TRDN: variants seen among roughly 807,000 people sequenced by gnomAD.
TRDN encodes the protein triadin, also known as triadin in skeletal muscle.
In TRDN, 161 loss-of-function variants were observed where a neutral mutation model predicts 149.7. The observed-to-expected ratio is 1.08, with a 90% confidence interval of 0.95 to 1.23. The LOEUF is 1.23. Among genes scored for constraint, TRDN ranks in the 50% most tolerant of loss-of-function variants. TRDN has a pLI of 0.00. For missense variants in TRDN, 896 were observed against 823.5 expected (o/e 1.09, Z -1.08); for synonymous variants, 294 against 250.5 (o/e 1.17, Z -1.64).
intron 4 of TRDN, among the ~76,000 whole-genome samples, chr6:123,542,859 CGTGTGTGTGTGTGTGT>C: frequency 6.8e-6 from 1 of 147,098 alleles, no homozygotes; most frequent in South Asian, 2.2e-4. Context: ...TGCATGTTTG[CGTGTGTGTGTGTGTGT>C]GTGTGTGTGT....
intron 5 of TRDN, among the ~76,000 whole-genome samples, chr6:123,526,865 C>T (rs895540160): frequency 2.0e-5 from 3 of 151,844 alleles, no homozygotes; most frequent in Admixed American, 6.6e-5. Flanking sequence ...GATAAGAAAA[C>T]TGTAAGGGAC....
intron 1 of TRDN, among the ~76,000 whole-genome samples, chr6:123,628,008 A>G (rs557559397): frequency 1.3e-5 from 2 of 152,302 alleles, no homozygotes; most frequent in East Asian, 3.9e-4. Flanking sequence ...TGGATCTTCT[A>G]TCCAGACCAC....
rs1210731625 is a variant in TRDN at position 123,266,719 on chromosome 6, T to C, written c.1783+988A>G. ...TATAATATGTATTATATATAATATA[T>C]ATGATATATTATATATGTAATATAT... On this transcript the variant is annotated intron_variant, in intron 32 of 40. Transcript: ENST00000334268. Among the ~76,000 whole-genome samples, 3 of 78,214 alleles carry C rather than the reference T, an allele frequency of 3.8e-5. 1 individual carries two copies. The highest frequency in any genetic ancestry group is 7.3e-5 in the Non-Finnish European group (3 of 40,934). 51.3% of individuals were successfully genotyped at this position (78,214 alleles called of 152,430 possible).
At chr6:123,466,957 T>C (rs1432768295) in intron 9 of TRDN, among the ~76,000 whole-genome samples, 2 of 152,118 alleles carry the variant, frequency 1.3e-5, no homozygotes, top group African/African-American at 2.4e-5. Context: ...TTATACTATA[T>C]ATAAAATTAT....
At chr6:123,456,301 G>A (rs1583061984) in intron 10 of TRDN, among the ~76,000 whole-genome samples, 1 of 152,090 alleles carries the variant, frequency 6.6e-6, no homozygotes, top group Non-Finnish European at 1.5e-5. Flanking sequence ...ATTTCAATAT[G>A]CTGAGTTCAG....
chr6:123,571,266 A>C, intron 1 of TRDN, 134 bp from the exon 2 acceptor site: 1 of 878,270 alleles, frequency 1.1e-6, no homozygotes, highest in South Asian at 1.8e-5. Context: ...TAGTGGCAGG[A>C]CAAAGCCTCC....
intron 4 of TRDN, among the ~76,000 whole-genome samples, chr6:123,531,339 T>A (rs1005477428): frequency 6.6e-6 from 1 of 152,052 alleles, no homozygotes; most frequent in Non-Finnish European, 1.5e-5. Context: ...TGAGGTTTAC[T>A]TATTTATTTA....
intron 4 of TRDN, among the ~76,000 whole-genome samples, chr6:123,535,376 T>C (rs774326569): frequency 4.6e-5 from 7 of 152,162 alleles, no homozygotes; most frequent in Non-Finnish European, 8.8e-5. Context: ...GTATTTCTAC[T>C]TCTTTTACTA....
chr6:123,346,964 A>G (rs920032658), intron 21 of TRDN, among the ~76,000 whole-genome samples: 11 of 130,066 alleles, frequency 8.5e-5, no homozygotes, highest in African/African-American at 3.2e-4. Flanking sequence ...GGAATGAAAG[A>G]AGAATTAGAA....
chr6:123,227,810 C>T (rs1445875810), intron 38 of TRDN, among the ~76,000 whole-genome samples: 1 of 151,838 alleles, frequency 6.6e-6, no homozygotes, highest in Non-Finnish European at 1.5e-5. Flanking sequence ...TGCAATGACG[C>T]CATCCTGGCT....
chr6:123,282,392 C>T (rs964210758), intron 24 of TRDN, among the ~76,000 whole-genome samples: 5 of 151,896 alleles, frequency 3.3e-5, no homozygotes, highest in African/African-American at 7.2e-5. Flanking sequence ...CAGTGATCAA[C>T]AGTGAAATAA....
intron 24 of TRDN, among the ~76,000 whole-genome samples, chr6:123,304,707 T>C (rs1234728973): frequency 6.6e-6 from 1 of 152,148 alleles, no homozygotes; most frequent in Admixed American, 6.6e-5. Flanking sequence ...TAAACACAGG[T>C]TTCTGATAAT....
intron 12 of TRDN, among the ~76,000 whole-genome samples, chr6:123,402,653 G>A (rs1184977357): frequency 6.6e-6 from 1 of 152,124 alleles, no homozygotes; most frequent in Non-Finnish European, 1.5e-5. Context: ...GTTTTGAAGA[G>A]ATAAAAGTGT....
intron 10 of TRDN, chr6:123,462,375 T>C (rs1227519572): frequency 5.3e-5 from 8 of 152,154 alleles, no homozygotes; most frequent in Non-Finnish European, 1.0e-4. Context: ...ACTGTGCAAG[T>C]TTTGTTTCTT....
At chr6:123,477,780 A>G (rs1167785592) in intron 9 of TRDN, among the ~76,000 whole-genome samples, 4 of 152,068 alleles carry the variant, frequency 2.6e-5, no homozygotes, top group Non-Finnish European at 4.4e-5. Flanking sequence ...GAAATTGGAA[A>G]TCATCATTCT....
chr6:123,420,913 A>G (rs1159368645), intron 12 of TRDN, among the ~76,000 whole-genome samples: 3 of 152,248 alleles, frequency 2.0e-5, no homozygotes, highest in Non-Finnish European at 2.9e-5. Flanking sequence ...ATATTGTTTA[A>G]CAACAACTGA....
intron 24 of TRDN, among the ~76,000 whole-genome samples, chr6:123,299,231 A>C (rs1778315675): frequency 6.6e-6 from 1 of 152,088 alleles, no homozygotes; most frequent in Non-Finnish European, 1.5e-5. Flanking sequence ...ATGTCAGGAT[A>C]TTGGTTAGGG....
intron 9 of TRDN, among the ~76,000 whole-genome samples, chr6:123,493,875 T>C (rs1013654718): frequency 6.6e-6 from 1 of 152,192 alleles, no homozygotes; most frequent in Non-Finnish European, 1.5e-5. Context: ...ATGCAAGTCA[T>C]ATTTAATGCT....
At chr6:123,248,087 C>CA (rs1222539320) in intron 38 of TRDN, among the ~76,000 whole-genome samples, 1 of 151,648 alleles carries the variant, frequency 6.6e-6, no homozygotes, top group Non-Finnish European at 1.5e-5. Context: ...ACACCTTATA[C>CA]AAAAAATTAA....
Sources: gnomAD v4.1 joint callset for allele counts (sites outside exome capture counted in the v4.1 genomes callset) on GRCh38, gnomAD v4.1.1 for gene constraint, MANE v1.5 for transcripts, NCBI Gene and HGNC (gene_info 2026-07-23, HGNC 2026-07-21) for gene names.